Variants in PRH1 observed in about 807,000 individuals in gnomAD.
PRH1 encodes the protein proline rich protein HaeIII subfamily 1.
Under a neutral mutation model 7.9 loss-of-function variants are expected in PRH1, and 7 were observed. That is an observed-to-expected ratio of 0.89 (90% CI 0.50 to 1.67). The LOEUF (loss-of-function observed/expected upper bound fraction) is 1.67, where lower values mean the gene tolerates loss of function less well. PRH1 is among the 40% of genes most tolerant of loss of function. PRH1 has a pLI of 0.00. For missense variants in PRH1, 109 were observed against 223.6 expected (o/e 0.49, Z 3.27); for synonymous variants, 45 against 80.8 (o/e 0.56, Z 2.38).
chr12:11,131,894 T>C (rs909995791), intron 1 of PRH1, among the ~76,000 whole-genome samples: 2 of 152,240 alleles, frequency 1.3e-5, no homozygotes, highest in African/African-American at 4.8e-5. Flanking sequence ...CATTTATTTG[T>C]TCATTAAAAT....
At chr12:10,939,190 C>G (rs752990727) in intron 2 of PRH1, 6 of 1,575,004 alleles carry the variant, frequency 3.8e-6, no homozygotes, top group Non-Finnish European at 5.2e-6. Context: ...TAAATATGCT[C>G]TTTATGACAC....
At chr12:10,986,341 G>C in intron 1 of PRH1, 1 of 1,614,008 alleles carries the variant, frequency 6.2e-7, no homozygotes, top group East Asian at 2.2e-5. Context: ...AAATATGAAA[G>C]ATGTACTGTA....
At chr12:11,055,933 C>A (rs1284953967) in intron 1 of PRH1, among the ~76,000 whole-genome samples, 1 of 152,188 alleles carries the variant, frequency 6.6e-6, no homozygotes, top group Non-Finnish European at 1.5e-5. Context: ...CCAGGAAGGC[C>A]AATATTCCTA....
intron 1 of PRH1, among the ~76,000 whole-genome samples, chr12:11,091,115 C>CACATATATATATATATATATATATAT (rs751016037): frequency 6.0e-4 from 15 of 25,118 alleles, no homozygotes; most frequent in Non-Finnish European, 8.0e-4. Context: ...CACACACACA[C>CACATATATATATATATATATATATAT]ATATATATAT....
intron 1 of PRH1, among the ~76,000 whole-genome samples, chr12:11,072,834 T>C (rs1944134235): frequency 8.4e-6 from 1 of 119,532 alleles, no homozygotes; most frequent in African/African-American, 2.8e-5. Context: ...AGTTGGCCTT[T>C]GTTTGGTAAG....
intron 1 of PRH1, among the ~76,000 whole-genome samples, chr12:11,165,782 T>C (rs1321201938): frequency 6.6e-6 from 1 of 152,230 alleles, no homozygotes; most frequent in Non-Finnish European, 1.5e-5. Context: ...GCTCCAGTGG[T>C]GGAATGCCAG....
chr12:10,884,744 A>T (rs1949464669), upstream of PRH1, among the ~76,000 whole-genome samples: 1 of 151,898 alleles, frequency 6.6e-6, no homozygotes. Flanking sequence ...ATTTAGCTAA[A>T]TTTTTCATGT....
At chr12:10,885,725 C>T (rs143649852), upstream of PRH1, among the ~76,000 whole-genome samples, 2 of 152,202 alleles carry the variant, frequency 1.3e-5, no homozygotes, top group African/African-American at 2.4e-5. Context: ...CCATTTCAGA[C>T]CTTGAGTAGG....
intron 2 of PRH1, among the ~76,000 whole-genome samples, chr12:10,927,828 G>T (rs1029919534): frequency 6.6e-6 from 1 of 152,182 alleles, no homozygotes; most frequent in African/African-American, 2.4e-5. Context: ...CCTACACAAG[G>T]TCTGAAATGG....
chr12:11,099,126 TCA>T (rs1945151465), intron 1 of PRH1, among the ~76,000 whole-genome samples: 1 of 152,186 alleles, frequency 6.6e-6, no homozygotes, highest in Non-Finnish European at 1.5e-5. Flanking sequence ...TATCCTCCTA[TCA>T]CAGGAAGACT....
At chr12:11,027,908 C>T (rs1342774066) in intron 1 of PRH1, among the ~76,000 whole-genome samples, 6 of 152,186 alleles carry the variant, frequency 3.9e-5, no homozygotes, top group Non-Finnish European at 8.8e-5. Context: ...CATAGAGTCC[C>T]TCTAAGCACA....
chr12:11,054,923 G>A (rs183572678), intron 1 of PRH1, among the ~76,000 whole-genome samples: 91 of 145,382 alleles, frequency 6.3e-4, no homozygotes, highest in African/African-American at 1.7e-3. Context: ...TGCAAGCTCC[G>A]CCTCACTGCA....
At chr12:10,906,087 A>G (rs937488223) in intron 2 of PRH1, among the ~76,000 whole-genome samples, 2 of 152,190 alleles carry the variant, frequency 1.3e-5, no homozygotes, top group Non-Finnish European at 2.9e-5. Context: ...TTTTAAGCAA[A>G]CCCATTTGGG....
chr12:10,898,393 T>C (rs531010436), intron 2 of PRH1, among the ~76,000 whole-genome samples: 1 of 152,300 alleles, frequency 6.6e-6, no homozygotes, highest in South Asian at 2.1e-4. Flanking sequence ...CTAATTGTGA[T>C]AGGCAAACAT....
chr12:10,911,338 T>C (rs909098344), intron 2 of PRH1, among the ~76,000 whole-genome samples: 3 of 152,190 alleles, frequency 2.0e-5, no homozygotes, highest in African/African-American at 7.2e-5. Context: ...ATAACAGGCT[T>C]GCGGTTCTGA....
At chr12:10,982,418 C>T (rs1259801895) in intron 1 of PRH1, among the ~76,000 whole-genome samples, 1 of 152,190 alleles carries the variant, frequency 6.6e-6, no homozygotes, top group East Asian at 1.9e-4. Flanking sequence ...CTTGCACATT[C>T]GCTCTAGGAT....
At chr12:11,091,927 G>A in intron 1 of PRH1, 1 of 1,230,232 alleles carries the variant, frequency 8.1e-7, no homozygotes, top group South Asian at 1.2e-5. Context: ...ATATGCTGAG[G>A]GTAGTAGCAA....
chr12:10,890,056 G>C (rs749514159), intron 2 of PRH1, among the ~76,000 whole-genome samples: 3 of 152,120 alleles, frequency 2.0e-5, no homozygotes, highest in Non-Finnish European at 4.4e-5. Context: ...TTTGTGAGTT[G>C]TTTTGAGTAC....
intron 2 of PRH1, among the ~76,000 whole-genome samples, chr12:10,942,101 C>G (rs1177277230): frequency 6.6e-6 from 1 of 152,060 alleles, no homozygotes; most frequent in Non-Finnish European, 1.5e-5. Context: ...CTGTGGATAC[C>G]AGCACCTGTT....
Sources: allele counts gnomAD v4.1 joint callset (sites outside exome capture counted in the v4.1 genomes callset), GRCh38; gene constraint gnomAD v4.1.1; transcripts MANE v1.5; gene names NCBI Gene and HGNC (gene_info 2026-07-23, HGNC 2026-07-21).